The following WWOX variants were observed in gnomAD, a reference collection of about 807,000 sequenced individuals.
WWOX encodes the protein WW domain-containing oxidoreductase.
Under a neutral mutation model 46.2 loss-of-function variants are expected in WWOX, and 69 were observed. That is an observed-to-expected ratio of 1.49 (90% CI 1.23 to 1.82). The LOEUF (loss-of-function observed/expected upper bound fraction) is 1.82, where lower values mean the gene tolerates loss of function less well. WWOX is among the 40% of genes most tolerant of loss of function. The probability of loss-of-function intolerance (pLI) is 0.00; values close to 1 mark genes in which losing one functional copy is unlikely to be tolerated. For synonymous variants in WWOX, 359 were observed against 202.6 expected, an observed-to-expected ratio of 1.77 and a Z score of -6.56; for missense variants, 919 against 542.6, an observed-to-expected ratio of 1.69 and a Z score of -6.89.
intron 6 of WWOX, among the ~76,000 whole-genome samples, chr16:78,414,752 C>T (rs1006278378): frequency 2.0e-5 from 3 of 152,148 alleles, no homozygotes; most frequent in African/African-American, 7.2e-5. Flanking sequence ...GCCTTTCATT[C>T]ATTTTACAGG....
At position 78,517,370 on chromosome 16, in the gene WWOX, C is replaced by A. The variant is rs2043257528; in HGVS notation, c.1056+84618C>A. Among the ~76,000 whole-genome samples, 3 of 123,762 alleles carry A rather than the reference C, an allele frequency of 2.4e-5. No homozygotes were observed. The Admixed American group carries it at 3.3e-4, about 14-fold the overall frequency. The allele number at this position is 123,762 out of a possible 152,430, so 81.2% of individuals were successfully genotyped here. A position where few individuals can be genotyped will look rare whatever the true frequency, so the allele number is the denominator to read the frequency against. On this transcript the variant is annotated intron_variant, in intron 8 of 8. Transcript: ENST00000566780. ...TCCTATATTTTGACATTTGAAGCAT[C>A]CACAGAAAAGTAATAGAATGAGCAA...
At chr16:78,937,055 A>G (rs16948943) in intron 8 of WWOX, among the ~76,000 whole-genome samples, 1,537 of 152,290 alleles carry the variant, frequency 0.01, 29 homozygotes, top group African/African-American at 0.035. Context: ...ATTAAGTGGA[A>G]ATATAGGTTT....
chr16:78,825,898 G>T, intron 8 of WWOX: 1 of 697,558 alleles, frequency 1.4e-6, no homozygotes, highest in Non-Finnish European at 2.6e-6. Flanking sequence ...CTGACCACGT[G>T]AGCATCATGG....
At chr16:78,196,371 A>G (rs1302639707) in intron 5 of WWOX, among the ~76,000 whole-genome samples, 1 of 152,240 alleles carries the variant, frequency 6.6e-6, no homozygotes, top group Non-Finnish European at 1.5e-5. Flanking sequence ...AAGGACATAT[A>G]AAAGAACCCC....
chr16:79,082,342 A>G (rs1192145472), intron 8 of WWOX, among the ~76,000 whole-genome samples: 2 of 152,296 alleles, frequency 1.3e-5, no homozygotes, highest in East Asian at 1.9e-4. Flanking sequence ...GTTCCAGAGC[A>G]TCCATCTCCT....
intron 8 of WWOX, among the ~76,000 whole-genome samples, chr16:78,657,946 C>A (rs527425509): frequency 6.6e-6 from 1 of 152,148 alleles, no homozygotes; most frequent in East Asian, 1.9e-4. Flanking sequence ...TTTGTTCTCA[C>A]CTTGGGAAGT....
chr16:78,173,094 G>T (rs1172336190), intron 5 of WWOX, among the ~76,000 whole-genome samples: 1 of 152,210 alleles, frequency 6.6e-6, no homozygotes, highest in Non-Finnish European at 1.5e-5. Context: ...CCAGTCTCAG[G>T]CTGGGGCAGC....
rs546956984 is a variant in WWOX at position 78,972,420 on chromosome 16, A to C, written c.1057-239188A>C. 9.2e-5 allele frequency among the ~76,000 whole-genome samples: 14 copies of C among 152,048 alleles called. No individual in the cohort carries two copies. The South Asian group carries it at 2.7e-3, about 29-fold the overall frequency. The stretch of plus-strand genomic sequence containing the variant: ...TTATTTATATCTATAATATTTTACA[A>C]ATTAAAAGCAGTAGAAATAGTCACT... On this transcript the variant is annotated intron_variant, in intron 8 of 8. Coordinates refer to ENST00000566780, the MANE Select transcript of WWOX (RefSeq NM_016373.4).
chr16:78,975,155 A>T (rs747174919), intron 8 of WWOX, among the ~76,000 whole-genome samples: 1 of 152,292 alleles, frequency 6.6e-6, no homozygotes, highest in South Asian at 2.1e-4. Context: ...AAAAGTCAAC[A>T]TTGTTATGTT....
intron 8 of WWOX, among the ~76,000 whole-genome samples, chr16:78,943,334 C>G (rs551258859): frequency 2.7e-5 from 4 of 147,454 alleles, no homozygotes; most frequent in Non-Finnish European, 4.4e-5. Context: ...GAGATCCAAA[C>G]CCTTTGGCAT....
chr16:78,829,566 C>A (rs1482247497), intron 8 of WWOX, among the ~76,000 whole-genome samples: 1 of 151,346 alleles, frequency 6.6e-6, no homozygotes, highest in Non-Finnish European at 1.5e-5. Context: ...TTTTTTTTTG[C>A]CTTCTTTTTA....
intron 8 of WWOX, among the ~76,000 whole-genome samples, chr16:78,856,719 G>A (rs1422974596): frequency 6.6e-5 from 10 of 152,172 alleles, no homozygotes; most frequent in South Asian, 2.1e-4. Context: ...TTAAAAAAAT[G>A]TACTATCTTA....
At chr16:78,812,109 C>T (rs922969385) in intron 8 of WWOX, among the ~76,000 whole-genome samples, 1 of 151,868 alleles carries the variant, frequency 6.6e-6, no homozygotes, top group African/African-American at 2.4e-5. Flanking sequence ...CCCAAAGTCC[C>T]CAGCCACCAC....
chr16:78,608,427 C>T (rs1216843185), intron 8 of WWOX, among the ~76,000 whole-genome samples: 1 of 152,236 alleles, frequency 6.6e-6, no homozygotes, highest in East Asian at 1.9e-4. Context: ...TTACTCTGTG[C>T]TCTTGCCCCA....
In WWOX at chr16:78,511,603, T is replaced by A. The variant is rs570433925; in HGVS notation, c.1056+78851T>A. ...TCTCCCAATATATTTCTTGTTATTC[T>A]CGTTGAGTACTGCATTCAGACAGAG... On this transcript the variant is annotated intron_variant, in intron 8 of 8. Transcript: ENST00000566780. Among the ~76,000 whole-genome samples the A allele has an allele frequency of 2.6e-5, 4 of 152,340 alleles. No individual in the cohort carries two copies. In the South Asian group the frequency reaches 6.2e-4, roughly 24 times the overall value.
chr16:78,421,783 T>C (rs1219715242), intron 6 of WWOX, among the ~76,000 whole-genome samples: 2 of 152,226 alleles, frequency 1.3e-5, no homozygotes, highest in African/African-American at 4.8e-5. Flanking sequence ...CTGACAATTC[T>C]AAACATTATC....
intron 5 of WWOX, among the ~76,000 whole-genome samples, chr16:78,319,566 C>T (rs531150834): frequency 1.3e-5 from 2 of 152,150 alleles, no homozygotes; most frequent in African/African-American, 2.4e-5. Flanking sequence ...TAATCTTAGC[C>T]CCTTCAGATC....
chr16:78,727,432 C>T (rs1042556229), intron 8 of WWOX, among the ~76,000 whole-genome samples: 2 of 152,162 alleles, frequency 1.3e-5, no homozygotes, highest in Non-Finnish European at 2.9e-5. Context: ...GCCTTTGACA[C>T]TGTCCTCTGG....
intron 8 of WWOX, among the ~76,000 whole-genome samples, chr16:78,647,738 C>A (rs1055404692): frequency 5.3e-5 from 8 of 152,174 alleles, no homozygotes; most frequent in African/African-American, 1.9e-4. Flanking sequence ...AGTGGCAGAT[C>A]CAGAGATGAA....
Sources: allele counts gnomAD v4.1 joint callset (sites outside exome capture counted in the v4.1 genomes callset), GRCh38; gene constraint gnomAD v4.1.1; transcripts MANE v1.5; gene names NCBI Gene and HGNC (gene_info 2026-07-23, HGNC 2026-07-21).